Variants in NAV3 observed in about 807,000 individuals in gnomAD.
NAV3 encodes the protein pore membrane and/or filament interacting like protein 1.
A neutral mutation model predicts 244.7 loss-of-function variants in NAV3; 87 were observed. That is an observed-to-expected ratio of 0.36 (90% CI 0.30 to 0.42). The LOEUF is 0.42. Among genes scored for constraint, NAV3 ranks in the 20% least tolerant of loss-of-function variants. The probability of loss-of-function intolerance (pLI) is 1.00; values close to 1 mark genes in which losing one functional copy is unlikely to be tolerated. For synonymous variants in NAV3, 1,126 were observed against 1,042.2 expected (o/e 1.08, Z -1.55); for missense variants, 2,663 against 2,893.3 (o/e 0.92, Z 1.83).
chr12:77,626,592 C>A (rs1228213500), intron 2 of NAV3, among the ~76,000 whole-genome samples: 4 of 151,978 alleles, frequency 2.6e-5, no homozygotes, highest in Non-Finnish European at 5.9e-5. Flanking sequence ...ATCAGACCAA[C>A]ATGGATTTTT....
chr12:77,885,453 T>A (rs569642307), intron 1 of NAV3, among the ~76,000 whole-genome samples: 1 of 152,210 alleles, frequency 6.6e-6, no homozygotes, highest in East Asian at 1.9e-4. Context: ...GAATAAGTAC[T>A]CAATAAATGC....
chr12:77,640,219 C>A (rs1872346507), intron 2 of NAV3, among the ~76,000 whole-genome samples: 1 of 151,842 alleles, frequency 6.6e-6, no homozygotes, highest in Non-Finnish European at 1.5e-5. Flanking sequence ...AGTTAGAAAT[C>A]TAATCACAGA....
At chr12:77,759,616 A>G (rs189079409) in intron 2 of NAV3, among the ~76,000 whole-genome samples, 1 of 152,354 alleles carries the variant, frequency 6.6e-6, no homozygotes, top group African/African-American at 2.4e-5. Flanking sequence ...TGTGCTCTAT[A>G]TGGATTAAAT....
intron 5 of NAV3, among the ~76,000 whole-genome samples, chr12:77,992,921 T>C (rs1871692157): frequency 6.6e-6 from 1 of 152,180 alleles, no homozygotes; most frequent in Non-Finnish European, 1.5e-5. Flanking sequence ...ACAGTGAGCA[T>C]TGAAGAAAAC....
intron 2 of NAV3, among the ~76,000 whole-genome samples, chr12:77,677,664 G>C (rs1874266985): frequency 6.6e-6 from 1 of 152,208 alleles, no homozygotes; most frequent in South Asian, 2.1e-4. Context: ...GATAAAATGA[G>C]ATGTGTGAAT....
At chr12:77,824,544 A>G (rs1410928335) in intron 2 of NAV3, among the ~76,000 whole-genome samples, 1 of 152,162 alleles carries the variant, frequency 6.6e-6, no homozygotes, top group Non-Finnish European at 1.5e-5. Context: ...AAAATTTGAT[A>G]TAAACTATAA....
At chr12:77,582,088 G>T (rs1330353745) in intron 2 of NAV3, among the ~76,000 whole-genome samples, 1 of 152,196 alleles carries the variant, frequency 6.6e-6, no homozygotes, top group African/African-American at 2.4e-5. Flanking sequence ...ACTTTCCCAA[G>T]ATCATACAAC....
intron 12 of NAV3, among the ~76,000 whole-genome samples, chr12:78,106,827 T>A (rs945419411): frequency 6.6e-6 from 1 of 152,120 alleles, no homozygotes; most frequent in Non-Finnish European, 1.5e-5. Flanking sequence ...TCAGCCCACC[T>A]CTGCCACCAC....
At position 78,062,599 on chromosome 12, in the gene NAV3, C is replaced by T. The variant is rs147952045; in HGVS notation, c.2636+3484C>T. 4.6e-5 allele frequency among the ~76,000 whole-genome samples: 7 copies of T among 151,936 alleles called. No individual in the cohort carries two copies. The East Asian group carries it at 1.2e-3, about 25-fold the overall frequency. ...ATCACTGATTCCCTCCCTTTTTTCT[C>T]TTATGATAATAATTAACTTGTTCCT... On this transcript the variant is annotated intron_variant, in intron 12 of 39. Coordinates refer to ENST00000397909, the MANE Select transcript of NAV3 (RefSeq NM_001024383.2).
chr12:78,052,166 A>T (rs576537178), intron 11 of NAV3: 5 of 152,328 alleles, frequency 3.3e-5, no homozygotes, highest in Admixed American at 6.5e-5. Flanking sequence ...CTTCTATATA[A>T]GTGACCCTTC....
chr12:77,968,903 T>A (rs2138002572), intron 5 of NAV3, among the ~76,000 whole-genome samples: 1 of 152,230 alleles, frequency 6.6e-6, no homozygotes, highest in South Asian at 2.1e-4. Flanking sequence ...TTGGGTGACG[T>A]ATTTTGTTTG....
At chr12:78,148,315 G>C (rs560105869) in intron 21 of NAV3, among the ~76,000 whole-genome samples, 3 of 152,094 alleles carry the variant, frequency 2.0e-5, no homozygotes, top group Admixed American at 1.3e-4. Flanking sequence ...CTGATTAAAT[G>C]TTGAATTAAG....
intron 9 of NAV3, among the ~76,000 whole-genome samples, chr12:78,028,051 A>G (rs1292597351): frequency 6.6e-6 from 1 of 152,114 alleles, no homozygotes; most frequent in Non-Finnish European, 1.5e-5. Flanking sequence ...TCCAGAAGAG[A>G]ATGGTGTTGG....
chr12:77,850,245 C>G (rs967048023), intron 1 of NAV3, among the ~76,000 whole-genome samples: 1 of 152,172 alleles, frequency 6.6e-6, no homozygotes, highest in East Asian at 1.9e-4. Flanking sequence ...CAGAACGTAA[C>G]TAGTGAAATT....
Position 77,576,450 on chromosome 12 carries a change from G to A in NAV3, c.72+4184G>A, listed in dbSNP as rs559983581. On this transcript the variant is annotated intron_variant, in intron 2 of 8. Transcript: ENST00000550042. Reference sequence around the variant, plus strand: ...CTGGGCTTGGTGTCTGCATGTGACTGTGTTAGGTTACTTTAATAATTTTCC... The same window carrying A: ...CTGGGCTTGGTGTCTGCATGTGACTATGTTAGGTTACTTTAATAATTTTCC... Among the ~76,000 whole-genome samples the A allele has an allele frequency of 2.4e-4, 36 of 152,176 alleles. No individual in the cohort carries two copies. The South Asian group carries it at 6.8e-3, about 29-fold the overall frequency.
At chr12:77,645,268 GAT>G (rs1491165514) in intron 2 of NAV3, among the ~76,000 whole-genome samples, 1 of 135,658 alleles carries the variant, frequency 7.4e-6, no homozygotes, top group African/African-American at 2.9e-5. Flanking sequence ...TAAATCTTAT[GAT>G]TTTTTTTTTC....
Position 77,980,285 on chromosome 12 carries a change from A to G in NAV3, c.671+11583A>G, listed in dbSNP as rs573015012. Among the ~76,000 whole-genome samples the G allele has an allele frequency of 1.3e-3, 194 of 152,278 alleles. 1 individual carries two copies. The highest frequency in any genetic ancestry group is 4.5e-3 in the African/African-American group (187 of 41,560). On this transcript the variant is annotated intron_variant, in intron 5 of 39. Transcript: ENST00000397909. ...CCATAAACGTCAGTTCTATGGGACA[A>G]TTGGGCTGGTTTGATTATGATTGTA...
chr12:78,186,536 A>AT (rs1234590523), intron 31 of NAV3, among the ~76,000 whole-genome samples: 1 of 151,846 alleles, frequency 6.6e-6, no homozygotes, highest in Non-Finnish European at 1.5e-5. Context: ...AGACAGTAAT[A>AT]CTCTTAGTGA....
At position 77,769,245 on chromosome 12, in the gene NAV3, A is replaced by G. The variant is rs74106536; in HGVS notation, c.73-171074A>G. ...CATGTTTATGAAACAATTCTTAGTC[A>G]AGACTGTGTTTGATATAAATTACAT... On this transcript the variant is annotated intron_variant, in intron 2 of 8. Coordinates refer to the NAV3 transcript ENST00000550042. Among the ~76,000 whole-genome samples, 176 of 152,348 alleles carry G rather than the reference A, an allele frequency of 1.2e-3. 1 individual carries two copies. The highest frequency in any genetic ancestry group is 3.7e-3 in the African/African-American group (155 of 41,580).
Sources: gnomAD v4.1 joint callset for allele counts (sites outside exome capture counted in the v4.1 genomes callset) on GRCh38, gnomAD v4.1.1 for gene constraint, MANE v1.5 for transcripts, NCBI Gene and HGNC (gene_info 2026-07-23, HGNC 2026-07-21) for gene names.